The following PIK3C2B variants were observed in gnomAD, a reference collection of about 807,000 sequenced individuals.
PIK3C2B encodes phosphatidylinositol-4-phosphate 3-kinase catalytic subunit type 2 beta.
Under a neutral mutation model 184.3 loss-of-function variants are expected in PIK3C2B, and 83 were observed. The observed-to-expected ratio is 0.45, with a 90% CI of 0.38 to 0.54. The LOEUF is 0.54. Among genes scored for constraint, PIK3C2B ranks in the 20% least tolerant of loss-of-function variants. The probability of loss-of-function intolerance (pLI) is 0.00; values close to 1 mark genes in which losing one functional copy is unlikely to be tolerated. For synonymous variants in PIK3C2B, 779 were observed against 837.6 expected (o/e 0.93, Z 1.21); for missense variants, 1,736 against 2,113.5 (o/e 0.82, Z 3.50).
intron 23 of PIK3C2B, chr1:204,435,797 T>C (rs1472267627): frequency 1.3e-5 from 2 of 152,188 alleles, no homozygotes; most frequent in East Asian, 3.8e-4. Context: ...TACAACCTGA[T>C]GATGGATCCA....
At chr1:204,450,594 C>T (rs1654268018) in intron 12 of PIK3C2B, among the ~76,000 whole-genome samples, 1 of 152,106 alleles carries the variant, frequency 6.6e-6, no homozygotes. Flanking sequence ...TTCTCACCCC[C>T]ACCCCCAAAC....
intron 6 of PIK3C2B, 21 bp downstream of exon 6, chr1:204,460,529 C>T (rs1655241063): frequency 1.2e-6 from 2 of 1,601,642 alleles, no homozygotes; most frequent in African/African-American, 2.7e-5. Context: ...CTGGGCAACC[C>T]TCCACCACCC....
chr1:204,438,254 T>C (rs758156604), intron 23 of PIK3C2B, among the ~76,000 whole-genome samples: 1 of 152,218 alleles, frequency 6.6e-6, no homozygotes, highest in Non-Finnish European at 1.5e-5. Context: ...TCCTTCCCAG[T>C]GTCCCTACTT....
Position 204,434,491 on chromosome 1 carries a change from T to G in PIK3C2B, c.3634A>C (p.Ile1212Leu). Residue 1212 changes from isoleucine to leucine, a missense_variant, in exon 24 of 33, where the codon ATT becomes CTT. Ile to Leu is a conservative substitution (Grantham distance 5). Coordinates refer to ENST00000684373, the MANE Select transcript of PIK3C2B (RefSeq NM_001377334.1). Reference protein sequence around the residue: ...MLKTTGHMFHIDFGRFLGHAQ... With the variant: ...MLKTTGHMFHLDFGRFLGHAQ... ...TGGCCCAGGAAGCGGCCAAAATCAA[T>G]GTGGAACATGTGACCAGTGGTCTTC... The G allele has an allele frequency of 6.2e-7, 1 of 1,614,202 alleles. No individual in the cohort carries two copies.
chr1:204,444,386 C>G lies in PIK3C2B; in HGVS notation c.2717G>C (p.Trp906Ser). The G allele has an allele frequency of 6.2e-7, 1 of 1,614,002 alleles. No individual in the cohort carries two copies. The highest frequency in any genetic ancestry group is 8.5e-7 in the Non-Finnish European group (1 of 1,179,976). Residue 906 changes from tryptophan to serine, a missense_variant, in exon 17 of 33, where the codon TGG becomes TCG. Trp to Ser is a radical substitution (Grantham distance 177). Coordinates refer to ENST00000684373, the MANE Select transcript of PIK3C2B (RefSeq NM_001377334.1). ...DQEVRRMAVQ[W>S]IGSLSDAELL... ...CTCAGCATCTGAGAGTGAGCCAATCCACTGCACAGCCATACGACGCACCTC... is the reference window on the plus strand; with the variant it reads ...CTCAGCATCTGAGAGTGAGCCAATCGACTGCACAGCCATACGACGCACCTC...
rs922098290 is a variant in PIK3C2B, at chr1:204,472,147, A to G, written c.-84-2261T>C. On this transcript the variant is annotated intron_variant, in intron 1 of 32. Coordinates refer to ENST00000684373, the MANE Select transcript of PIK3C2B (RefSeq NM_001377334.1). ...AGTGGTTCTCAACCCCAGCTGCAAC[A>G]TTAGCAACACTGGGGGAACTTTTTT... is the stretch of plus-strand genomic sequence containing the variant. Among the ~76,000 whole-genome samples, 9 of 146,918 alleles carry G rather than the reference A, an allele frequency of 6.1e-5. No homozygotes were observed. The East Asian group carries it at 1.8e-3, about 30-fold the overall frequency.
intron 1 of PIK3C2B, among the ~76,000 whole-genome samples, chr1:204,481,354 A>G (rs938125): frequency 0.64 from 93,700 of 146,394 alleles, 31,149 homozygotes; most frequent in Non-Finnish European, 0.73. Context: ...TGCAACCTCC[A>G]CCTCCCAGGT....
intron 15 of PIK3C2B, among the ~76,000 whole-genome samples, chr1:204,446,482 G>A (rs999934767): frequency 5.3e-5 from 8 of 152,192 alleles, no homozygotes; most frequent in African/African-American, 1.4e-4. Flanking sequence ...ATCTTGGATG[G>A]AGAATGCATG....
At chr1:204,491,311 C>A (rs1184942171) in intron 1 of PIK3C2B, among the ~76,000 whole-genome samples, 1 of 151,996 alleles carries the variant, frequency 6.6e-6, no homozygotes, top group Admixed American at 6.6e-5. Context: ...ATCCCTTGAA[C>A]CTGGGAGACG....
chr1:204,446,322 C>G (rs1357227613), intron 15 of PIK3C2B, among the ~76,000 whole-genome samples, 178 bp from the exon 16 acceptor site: 1 of 151,076 alleles, frequency 6.6e-6, no homozygotes, highest in Non-Finnish European at 1.5e-5. Context: ...AACCCCCTCG[C>G]CATGCCTGGG....
chr1:204,434,332 G>C, intron 24 of PIK3C2B, 107 bp downstream of exon 24: 2 of 998,390 alleles, frequency 2.0e-6, no homozygotes, highest in South Asian at 1.4e-5. Context: ...CTGGGACCAT[G>C]ATCTGAGGCC....
intron 8 of PIK3C2B, among the ~76,000 whole-genome samples, chr1:204,459,304 A>G (rs1016444953): frequency 3.9e-5 from 6 of 152,260 alleles, no homozygotes; most frequent in African/African-American, 1.2e-4. Context: ...GGCGTGGGCC[A>G]TCACACTCAG....
chr1:204,449,697 A>G (rs1476916936), intron 13 of PIK3C2B, among the ~76,000 whole-genome samples, 153 bp downstream of exon 13: 2 of 152,158 alleles, frequency 1.3e-5, no homozygotes, highest in African/African-American at 4.8e-5. Flanking sequence ...CCTGGTCACC[A>G]GTTCTGTGCT....
Position 204,460,421 on chromosome 1 carries a change from T to C in PIK3C2B, c.1423-18A>G. 6.2e-7 allele frequency: 1 copy of C among 1,606,338 alleles called. No individual in the cohort carries two copies. The highest frequency in any genetic ancestry group is 8.5e-7 in the Non-Finnish European group (1 of 1,172,994). On this transcript the variant is annotated intron_variant, in intron 6 of 32. Coordinates refer to ENST00000684373, the MANE Select transcript of PIK3C2B (RefSeq NM_001377334.1). ...TCATTCACCTGTATAAGAAGTGACC[T>C]ATTCAGAGAGGGGCGGTGCCCTTAT... is the stretch of plus-strand genomic sequence containing the variant.
At chr1:204,453,506 GA>G (rs1392902413) in intron 12 of PIK3C2B, among the ~76,000 whole-genome samples, 1 of 152,080 alleles carries the variant, frequency 6.6e-6, no homozygotes. Flanking sequence ...TTCTCAGTTT[GA>G]AAAAATGAGG....
chr1:204,459,995 C>T, intron 7 of PIK3C2B, 54 bp from the exon 8 acceptor site: 3 of 1,430,190 alleles, frequency 2.1e-6, no homozygotes, highest in South Asian at 1.2e-5. Flanking sequence ...AGACCCAGTG[C>T]CCTGGGAAAC....
At chr1:204,442,369 C>A (rs1675712946) in intron 20 of PIK3C2B, among the ~76,000 whole-genome samples, 157 bp downstream of exon 20, 1 of 152,100 alleles carries the variant, frequency 6.6e-6, no homozygotes, top group Admixed American at 6.6e-5. Context: ...AGCTGAGACC[C>A]CTGAGGAAAA....
chr1:204,449,401 T>A (rs1229283857), intron 13 of PIK3C2B, 105 bp from the exon 14 acceptor site: 1 of 805,560 alleles, frequency 1.2e-6, no homozygotes, highest in Admixed American at 2.1e-5. Flanking sequence ...GAAGCCATCA[T>A]CCAACTCCCC....
chr1:204,482,118 G>T (rs983321544), intron 1 of PIK3C2B, among the ~76,000 whole-genome samples: 7 of 24,342 alleles, frequency 2.9e-4, no homozygotes, highest in Middle Eastern at 0.025. Flanking sequence ...ACGGGGGGGG[G>T]GGGGGGGGTG....
Sources: allele counts gnomAD v4.1 joint callset (sites outside exome capture counted in the v4.1 genomes callset), GRCh38; gene constraint gnomAD v4.1.1; transcripts MANE v1.5; gene names NCBI Gene and HGNC (gene_info 2026-07-23, HGNC 2026-07-21).